The following TSPAN9 variants were observed in gnomAD, a reference collection of about 807,000 sequenced individuals.
The protein encoded by TSPAN9 is tetraspanin-9.
Under a neutral mutation model 31.0 loss-of-function variants are expected in TSPAN9, and 16 were observed. That is an observed-to-expected ratio of 0.52 (90% CI 0.35 to 0.78). TSPAN9 has a LOEUF of 0.78. Ranked by LOEUF, TSPAN9 falls within the 30% of genes least tolerant of loss-of-function variation. TSPAN9 has a pLI of 0.01. For synonymous variants in TSPAN9, 145 were observed against 121.6 expected, an observed-to-expected ratio of 1.19 and a Z score of -1.27; for missense variants, 272 against 312.5, an observed-to-expected ratio of 0.87 and a Z score of 0.98.
Position 3,285,622 on chromosome 12 carries a change from T to C in TSPAN9, c.*2506T>C, listed in dbSNP as rs1395729561. ...CCACTCAGAGGGCCACACCCAGCGA[T>C]GCCAGTGAAGGTGGCACAGCCTCTC... On this transcript the variant is annotated 3_prime_UTR_variant, in exon 9 of 9. Transcript: ENST00000011898. 6.6e-6 allele frequency: 1 copy of C among 152,252 alleles called. No individual in the cohort carries two copies. Among genetic ancestry groups the C allele is most frequent in the African/African-American group, 2.4e-5 (1 of 41,464 alleles). 9.4% of individuals were successfully genotyped at this position (152,252 alleles called of 1,614,324 possible). A position where few individuals can be genotyped will look rare whatever the true frequency, so the allele number is the denominator to read the frequency against.
At chr12:3,113,888 C>T (rs1220520430) in intron 2 of TSPAN9, among the ~76,000 whole-genome samples, 1 of 152,226 alleles carries the variant, frequency 6.6e-6, no homozygotes, top group Non-Finnish European at 1.5e-5. Context: ...CTGTCTTTGA[C>T]CCTTGGCCTG....
At chr12:3,238,524 A>G (rs930171760) in intron 3 of TSPAN9, among the ~76,000 whole-genome samples, 1 of 152,184 alleles carries the variant, frequency 6.6e-6, no homozygotes, top group Non-Finnish European at 1.5e-5. Context: ...ACCAAACCCT[A>G]CATGGTCCTG....
At chr12:3,256,199 G>A (rs1200635646) in intron 3 of TSPAN9, among the ~76,000 whole-genome samples, 2 of 152,314 alleles carry the variant, frequency 1.3e-5, no homozygotes, top group Admixed American at 6.5e-5. Context: ...GCGGGGTCCC[G>A]AGGCCCAGTG....
intron 2 of TSPAN9, among the ~76,000 whole-genome samples, chr12:3,122,370 A>G (rs1237090428): frequency 6.6e-6 from 1 of 151,798 alleles, no homozygotes; most frequent in Non-Finnish European, 1.5e-5. Flanking sequence ...GCTGGTGTGC[A>G]GTAGCACAAT....
chr12:3,255,858 A>G (rs1352557152), intron 3 of TSPAN9, among the ~76,000 whole-genome samples: 1 of 152,240 alleles, frequency 6.6e-6, no homozygotes, highest in African/African-American at 2.4e-5. Context: ...ATGATTTGGT[A>G]GAGACGTAGA....
chr12:3,230,593 A>G (rs1231879953), intron 3 of TSPAN9, among the ~76,000 whole-genome samples: 1 of 152,012 alleles, frequency 6.6e-6, no homozygotes, highest in Non-Finnish European at 1.5e-5. Context: ...AACACTTCGG[A>G]GTGTGGTCTT....
chr12:3,201,018 C>T (rs1380143342), intron 2 of TSPAN9, 159 bp from the exon 3 acceptor site: 4 of 631,316 alleles, frequency 6.3e-6, no homozygotes, highest in Non-Finnish European at 1.1e-5. Context: ...TCCGGCCGCC[C>T]GTTCGGCCGC....
intron 2 of TSPAN9, among the ~76,000 whole-genome samples, chr12:3,090,780 A>C (rs976778791): frequency 5.8e-5 from 4 of 69,006 alleles, no homozygotes; most frequent in African/African-American, 1.2e-4. Flanking sequence ...AATGAGGAAT[A>C]ATGAGGAATA....
rs1326945780 is a variant in TSPAN9 at position 3,235,059 on chromosome 12, C to T, written c.63+33803C>T. Among the ~76,000 whole-genome samples, 15 of 147,666 alleles carry T rather than the reference C, an allele frequency of 1.0e-4. 1 individual carries two copies. The highest frequency in any genetic ancestry group is 4.4e-4 in the South Asian group (2 of 4,580). On this transcript the variant is annotated intron_variant, in intron 3 of 8. Coordinates refer to ENST00000011898, the MANE Select transcript of TSPAN9 (RefSeq NM_006675.5). ...GTGGGCGCCTGTAGTCCCAGCTACT[C>T]GGGAGGCTGAGGCGGGAGAATGACG...
chr12:3,222,065 G>A (rs981125081), intron 3 of TSPAN9, among the ~76,000 whole-genome samples: 3 of 152,216 alleles, frequency 2.0e-5, no homozygotes, highest in Non-Finnish European at 4.4e-5. Context: ...GCTACCTTAG[G>A]TGCTCTGTTA....
intron 2 of TSPAN9, among the ~76,000 whole-genome samples, chr12:3,117,994 G>A (rs548506505): frequency 1.3e-5 from 2 of 152,180 alleles, no homozygotes; most frequent in Admixed American, 1.3e-4. Context: ...GCAGGGAGGT[G>A]GTTAGTGCCC....
At chr12:3,250,697 A>C (rs1455705391) in intron 3 of TSPAN9, among the ~76,000 whole-genome samples, 1 of 152,178 alleles carries the variant, frequency 6.6e-6, no homozygotes, top group Non-Finnish European at 1.5e-5. Flanking sequence ...GATATCACCC[A>C]TCTCAGGTTG....
intron 3 of TSPAN9, among the ~76,000 whole-genome samples, chr12:3,234,366 G>A (rs2098392253): frequency 6.6e-6 from 1 of 152,164 alleles, no homozygotes; most frequent in African/African-American, 2.4e-5. Flanking sequence ...CTATGTTGTA[G>A]TTGAGACTAT....
chr12:3,216,770 C>T (rs867632492), intron 3 of TSPAN9, among the ~76,000 whole-genome samples: 2 of 152,238 alleles, frequency 1.3e-5, no homozygotes, highest in South Asian at 2.1e-4. Flanking sequence ...TTCCCAAAAA[C>T]GTCCACGTGG....
intron 3 of TSPAN9, among the ~76,000 whole-genome samples, chr12:3,267,544 G>A (rs1042372552): frequency 3.3e-5 from 5 of 152,180 alleles, no homozygotes; most frequent in Admixed American, 2.0e-4. Flanking sequence ...TTGAAGGTTG[G>A]TTTCTTAAGC....
intron 2 of TSPAN9, among the ~76,000 whole-genome samples, chr12:3,188,765 G>A (rs750728526): frequency 1.3e-5 from 2 of 152,192 alleles, no homozygotes; most frequent in Non-Finnish European, 2.9e-5. Flanking sequence ...GCTGGATCTG[G>A]TGGGTGACTC....
chr12:3,224,209 A>G lies in TSPAN9; in HGVS notation c.63+22953A>G, dbSNP rs148660493. ...TGAGACATGGGTAGGTGGCCCTTCC[A>G]TCTCTCTGTGTAGTAGGTGTCAGGC... On this transcript the variant is annotated intron_variant, in intron 3 of 8. Coordinates refer to ENST00000011898, the MANE Select transcript of TSPAN9 (RefSeq NM_006675.5). Among the ~76,000 whole-genome samples the G allele has an allele frequency of 9.1e-4, 138 of 152,228 alleles. No homozygotes were observed. The Middle Eastern group carries it at 0.014, about 15-fold the overall frequency.
At chr12:3,275,882 T>C (rs1862776093) in intron 3 of TSPAN9, among the ~76,000 whole-genome samples, 1 of 152,254 alleles carries the variant, frequency 6.6e-6, no homozygotes, top group South Asian at 2.1e-4. Flanking sequence ...TGGCGGTGTC[T>C]GTTCCTACCT....
In TSPAN9 at chr12:3,172,880, G is replaced by A. The variant is rs1299690252; in HGVS notation, c.-17-28297G>A. 2 of 152,242 alleles carry A rather than the reference G, an allele frequency of 1.3e-5. No homozygotes were observed. Among genetic ancestry groups the A allele is most frequent in the African/African-American group, 4.8e-5 (2 of 41,454 alleles). 9.4% of individuals were successfully genotyped at this position (152,242 alleles called of 1,614,324 possible). A position where few individuals can be genotyped will look rare whatever the true frequency, so the allele number is the denominator to read the frequency against. On this transcript the variant is annotated intron_variant, in intron 2 of 8. Transcript: ENST00000011898. The surrounding 1 kb of genome is among the most constrained non-coding windows in gnomAD (Gnocchi z 4.8). Reference sequence around the variant, plus strand: ...GCGGCAGGCGAGTCTATTAAACAGAGAGGCTGGTCCCAGCGCAGGTTGTTA... The same window carrying A: ...GCGGCAGGCGAGTCTATTAAACAGAAAGGCTGGTCCCAGCGCAGGTTGTTA...
Sources: gnomAD v4.1 joint callset for allele counts (sites outside exome capture counted in the v4.1 genomes callset) on GRCh38, gnomAD v4.1.1 for gene constraint, Gnocchi (gnomAD v3.1) non-coding constraint, MANE v1.5 for transcripts, NCBI Gene and HGNC (gene_info 2026-07-23, HGNC 2026-07-21) for gene names.